RGS6: variants seen among roughly 807,000 people sequenced by gnomAD.
RGS6 encodes the protein regulator of G-protein signaling 6.
A neutral mutation model predicts 78.5 loss-of-function variants in RGS6; 30 were observed. That is an observed-to-expected ratio of 0.38 (90% confidence interval 0.29 to 0.52). The LOEUF is 0.52. Among genes scored for constraint, RGS6 ranks in the 20% least tolerant of loss-of-function variants. RGS6 has a pLI of 0.85. For synonymous variants in RGS6, 206 were observed against 206.0 expected, an observed-to-expected ratio of 1.00 and a Z score of 0.00; for missense variants, 495 against 609.7, an observed-to-expected ratio of 0.81 and a Z score of 1.98.
At chr14:72,247,047 C>G (rs2054406992) in intron 2 of RGS6, among the ~76,000 whole-genome samples, 1 of 152,166 alleles carries the variant, frequency 6.6e-6, no homozygotes, top group African/African-American at 2.4e-5. Flanking sequence ...CTCCTTCCTC[C>G]CTCATTCCTG....
At chr14:72,501,976 G>T (rs1361828506) in intron 13 of RGS6, among the ~76,000 whole-genome samples, 1 of 152,028 alleles carries the variant, frequency 6.6e-6, no homozygotes, top group Non-Finnish European at 1.5e-5. Context: ...TATGGTGGTG[G>T]ATCTCCAAAT....
chr14:72,331,249 A>C (rs1360924330), intron 2 of RGS6, among the ~76,000 whole-genome samples: 3 of 27,458 alleles, frequency 1.1e-4, no homozygotes, highest in African/African-American at 8.8e-4. Flanking sequence ...CCTGTCGTTC[A>C]AAAAAAAAAA....
intron 15 of RGS6, among the ~76,000 whole-genome samples, chr14:72,521,860 G>A (rs554319058): frequency 1.4e-4 from 22 of 152,300 alleles, no homozygotes; most frequent in African/African-American, 5.3e-4. Flanking sequence ...AACCACTAAC[G>A]ATGTCTGGCC....
intron 3 of RGS6, among the ~76,000 whole-genome samples, chr14:72,359,025 A>G (rs1326664361): frequency 6.6e-6 from 1 of 152,176 alleles, no homozygotes; most frequent in Non-Finnish European, 1.5e-5. Context: ...ATAGTTTTAT[A>G]ACGGGCTTTT....
At chr14:72,608,052 T>C in the RGS6 span, among the ~76,000 whole-genome samples, 1 of 152,162 alleles carries the variant, frequency 6.6e-6, no homozygotes, top group South Asian at 2.1e-4. Flanking sequence ...AGCTTCCAAC[T>C]AAAACCACGC....
At chr14:72,125,832 A>G (rs574854611) in intron 2 of RGS6, among the ~76,000 whole-genome samples, 1 of 152,332 alleles carries the variant, frequency 6.6e-6, no homozygotes, top group East Asian at 1.9e-4. Context: ...AGACATTCAT[A>G]CAGGCCTAGT....
the RGS6 span, among the ~76,000 whole-genome samples, chr14:72,587,667 T>C: frequency 6.6e-6 from 1 of 152,120 alleles, no homozygotes; most frequent in Non-Finnish European, 1.5e-5. Context: ...CAGCAAAGCC[T>C]CCATGATCAG....
At chr14:71,902,781 G>A in the RGS6 span, among the ~76,000 whole-genome samples, 5 of 152,018 alleles carry the variant, frequency 3.3e-5, no homozygotes, top group East Asian at 5.8e-4. Context: ...ATCCTTCACC[G>A]AGACTAAATG....
At chr14:72,113,629 G>A (rs1337318786) in intron 2 of RGS6, among the ~76,000 whole-genome samples, 2 of 152,224 alleles carry the variant, frequency 1.3e-5, no homozygotes, top group African/African-American at 4.8e-5. Flanking sequence ...GCCCATGCCT[G>A]TGTGGCTTGG....
intron 2 of RGS6, among the ~76,000 whole-genome samples, chr14:72,131,702 G>A (rs1026662906): frequency 1.3e-5 from 2 of 152,100 alleles, no homozygotes; most frequent in African/African-American, 4.8e-5. Flanking sequence ...TAATTCAAGG[G>A]GCAGTTTTGG....
chr14:72,566,746 T>C (rs547972023), downstream of RGS6, among the ~76,000 whole-genome samples: 13 of 151,662 alleles, frequency 8.6e-5, no homozygotes, highest in South Asian at 1.3e-3. Flanking sequence ...CTCTGGGGCA[T>C]TGGACTCATC....
chr14:72,451,449 A>G (rs1168922055), intron 3 of RGS6, among the ~76,000 whole-genome samples: 6 of 152,236 alleles, frequency 3.9e-5, no homozygotes, highest in Non-Finnish European at 1.5e-5. Context: ...ACAGGAAGCC[A>G]AAAGCGGGTG....
At chr14:72,510,855 C>T in intron 14 of RGS6, among the ~76,000 whole-genome samples, 1 of 152,200 alleles carries the variant, frequency 6.6e-6, no homozygotes, top group African/African-American at 2.4e-5. Flanking sequence ...CTCTGATCAT[C>T]TGACGCCAGT....
intron 2 of RGS6, among the ~76,000 whole-genome samples, chr14:72,063,418 T>C (rs1353691675): frequency 6.6e-6 from 1 of 152,120 alleles, no homozygotes; most frequent in Non-Finnish European, 1.5e-5. Flanking sequence ...CATGGTGACA[T>C]TGACAATATC....
chr14:72,503,311 A>G (rs1433658452), intron 13 of RGS6, among the ~76,000 whole-genome samples: 2 of 152,196 alleles, frequency 1.3e-5, no homozygotes, highest in African/African-American at 4.8e-5. Flanking sequence ...CTACCTCAAG[A>G]TCCCCAGAAT....
At chr14:72,257,941 A>C (rs1250528097) in intron 2 of RGS6, among the ~76,000 whole-genome samples, 1 of 152,246 alleles carries the variant, frequency 6.6e-6, no homozygotes, top group Non-Finnish European at 1.5e-5. Context: ...ACTAAGAATA[A>C]AAACAATACT....
At chr14:72,085,802 C>T (rs1180633493) in intron 2 of RGS6, among the ~76,000 whole-genome samples, 5 of 146,736 alleles carry the variant, frequency 3.4e-5, no homozygotes, top group Non-Finnish European at 7.4e-5. Context: ...TGCAGTGAGC[C>T]CAGATTGCCC....
intron 2 of RGS6, among the ~76,000 whole-genome samples, chr14:72,211,289 A>C (rs1300051967): frequency 2.5e-4 from 38 of 152,210 alleles, no homozygotes; most frequent in Non-Finnish European, 7.3e-5. Flanking sequence ...AGGTGCAGCT[A>C]AAATATTAAG....
upstream of RGS6, among the ~76,000 whole-genome samples, chr14:71,928,463 G>T (rs2152920359): frequency 6.6e-6 from 1 of 152,252 alleles, no homozygotes; most frequent in Non-Finnish European, 1.5e-5. Context: ...CTTGGTCAAT[G>T]GGCCACATGA....
Sources: allele counts gnomAD v4.1 joint callset (sites outside exome capture counted in the v4.1 genomes callset), GRCh38; gene constraint gnomAD v4.1.1; transcripts MANE v1.5; gene names NCBI Gene and HGNC (gene_info 2026-07-23, HGNC 2026-07-21).